Variants in WDPCP observed in about 807,000 individuals in gnomAD.
WDPCP encodes the protein WD repeat containing planar cell polarity effector.
Under a neutral mutation model 93.1 loss-of-function variants are expected in WDPCP, and 71 were observed. The ratio of observed to expected loss-of-function variants is 0.76; its 90% CI spans 0.63 to 0.93. WDPCP has a LOEUF of 0.93. Ranked by LOEUF, WDPCP falls within the 40% of genes least tolerant of loss-of-function variation. The pLI is 0.00. For synonymous variants in WDPCP, 315 were observed against 315.0 expected (o/e 1.00, Z 0.00); for missense variants, 844 against 887.4 (o/e 0.95, Z 0.62).
intron 6 of WDPCP, among the ~76,000 whole-genome samples, chr2:63,460,355 G>A (rs1274835139): frequency 6.6e-6 from 1 of 152,034 alleles, no homozygotes; most frequent in Non-Finnish European, 1.5e-5. Context: ...GAGAGAGTTC[G>A]GTTATGAGTC....
intron 14 of WDPCP, among the ~76,000 whole-genome samples, chr2:63,231,949 CCCAAAACAGCATGGTACTGGTA>C (rs1678931697): frequency 6.6e-6 from 1 of 151,920 alleles, no homozygotes; most frequent in African/African-American, 2.4e-5. Flanking sequence ...GGCTACAGTA[CCCAAAACAGCATGGTACTGGTA>C]CCAAAACAGA....
In WDPCP at chr2:63,731,449, C is replaced by T. The variant is rs145592482; in HGVS notation, n.309-80611G>A. ...AGTATATATTCACTATGTTGTGCAACTTATCACCTCTAACTACTCCCAAGA... is the reference window on the plus strand; with the variant it reads ...AGTATATATTCACTATGTTGTGCAATTTATCACCTCTAACTACTCCCAAGA... On this transcript the variant is annotated intron_variant and non_coding_transcript_variant, in intron 2 of 4. Coordinates refer to the WDPCP transcript ENST00000467687. Among the ~76,000 whole-genome samples the T allele has an allele frequency of 1.8e-3, 269 of 152,196 alleles. 7 individuals are homozygous for T. The East Asian group carries it at 0.038, about 22-fold the overall frequency.
chr2:63,259,525 A>G, intron 13 of WDPCP, 116 bp from the exon 14 acceptor site: 1 of 879,684 alleles, frequency 1.1e-6, no homozygotes, highest in Non-Finnish European at 1.8e-6. Context: ...GTTTGTAAAT[A>G]TTCTTTTCTG....
chr2:63,122,767 A>G (rs991573934), intron 17 of WDPCP, among the ~76,000 whole-genome samples: 1 of 152,190 alleles, frequency 6.6e-6, no homozygotes, highest in Admixed American at 6.5e-5. Context: ...TGGTAAAAGT[A>G]AAAGGTAAAG....
At chr2:63,440,125 T>A (rs1486720850) in intron 6 of WDPCP, 1 of 401,974 alleles carries the variant, frequency 2.5e-6, no homozygotes, top group East Asian at 4.3e-5. Flanking sequence ...GCCATGTTTA[T>A]TAGAAATCTA....
At chr2:63,358,186 CAT>C (rs1396539766) in intron 12 of WDPCP, among the ~76,000 whole-genome samples, 4 of 152,124 alleles carry the variant, frequency 2.6e-5, no homozygotes, top group East Asian at 3.9e-4. Context: ...CATCATGACA[CAT>C]GTTTATGTAT....
intron 2 of WDPCP, among the ~76,000 whole-genome samples, chr2:63,784,596 G>A (rs1470013119): frequency 6.6e-6 from 1 of 151,928 alleles, no homozygotes; most frequent in Non-Finnish European, 1.5e-5. Context: ...GTGTGTGTGT[G>A]TGTGTGAATA....
chr2:63,692,177 A>G (rs779627068), intron 2 of WDPCP, among the ~76,000 whole-genome samples: 8 of 152,166 alleles, frequency 5.3e-5, no homozygotes, highest in Non-Finnish European at 7.4e-5. Context: ...TAATATAAGT[A>G]TATAAAACAC....
chr2:63,686,711 A>AT (rs1408323893), intron 2 of WDPCP, among the ~76,000 whole-genome samples: 2 of 152,210 alleles, frequency 1.3e-5, no homozygotes, highest in African/African-American at 4.8e-5. Context: ...TGGTACTCGC[A>AT]TAAAAACAAA....
At chr2:63,292,132 C>CAAAAAAA (rs58370764) in intron 13 of WDPCP, among the ~76,000 whole-genome samples, 18 of 83,342 alleles carry the variant, frequency 2.2e-4, no homozygotes, top group Non-Finnish European at 2.8e-4. Flanking sequence ...GACTCCGGCT[C>CAAAAAAA]AAAAAAAAAA....
At chr2:63,715,205 A>G (rs1426266672) in intron 2 of WDPCP, among the ~76,000 whole-genome samples, 4 of 152,228 alleles carry the variant, frequency 2.6e-5, no homozygotes, top group Non-Finnish European at 5.9e-5. Flanking sequence ...AATTTGATAT[A>G]GATGGTAGTT....
chr2:63,626,272 G>A (rs1455162479), intron 3 of WDPCP, among the ~76,000 whole-genome samples: 1 of 152,164 alleles, frequency 6.6e-6, no homozygotes, highest in Non-Finnish European at 1.5e-5. Context: ...CAGGACATAG[G>A]CATGGGCAAA....
Position 63,751,912 on chromosome 2 carries a change from T to C in WDPCP, n.308+61710A>G. 5.8e-6 allele frequency: 4 copies of C among 684,956 alleles called. No homozygotes were observed. The Admixed American group carries it at 7.2e-5, about 12-fold the overall frequency. 42.4% of individuals were successfully genotyped at this position (684,956 alleles called of 1,614,324 possible). A position where few individuals can be genotyped will look rare whatever the true frequency, so the allele number is the denominator to read the frequency against. On this transcript the variant is annotated intron_variant and non_coding_transcript_variant, in intron 2 of 4. Coordinates refer to the WDPCP transcript ENST00000467687. ...ATTGCTTCCATCACCAAATCCATTA[T>C]AGCCATCCCCACTGCCACCATATCC...
At chr2:63,251,948 C>A (rs1265555885) in intron 14 of WDPCP, among the ~76,000 whole-genome samples, 4 of 151,816 alleles carry the variant, frequency 2.6e-5, no homozygotes, top group African/African-American at 9.7e-5. Context: ...AAGCCAGAAC[C>A]ACCCTGATAC....
intron 1 of WDPCP, among the ~76,000 whole-genome samples, chr2:63,533,421 A>C (rs1704013776): frequency 6.6e-6 from 1 of 152,222 alleles, no homozygotes; most frequent in Non-Finnish European, 1.5e-5. Flanking sequence ...TCTCAGCATC[A>C]CATCACACTT....
intron 2 of WDPCP, among the ~76,000 whole-genome samples, chr2:63,715,117 A>G (rs1161542639): frequency 1.3e-5 from 2 of 152,268 alleles, no homozygotes; most frequent in African/African-American, 2.4e-5. Flanking sequence ...TCATAGAGAT[A>G]GAAAGCAGAT....
chr2:63,223,742 AC>A (rs1176176242), intron 14 of WDPCP, among the ~76,000 whole-genome samples: 2 of 152,140 alleles, frequency 1.3e-5, no homozygotes, highest in Non-Finnish European at 2.9e-5. Flanking sequence ...TTAAAAACTT[AC>A]ATTTTAATCA....
At chr2:63,489,050 G>A (rs1575513820) in intron 2 of WDPCP, among the ~76,000 whole-genome samples, 4 of 152,188 alleles carry the variant, frequency 2.6e-5, no homozygotes, top group Admixed American at 2.6e-4. Flanking sequence ...ACAGCCTGGT[G>A]TAGGGTATTA....
chr2:63,575,298 T>C (rs1019666267), intron 1 of WDPCP, among the ~76,000 whole-genome samples: 2 of 146,686 alleles, frequency 1.4e-5, no homozygotes, highest in Admixed American at 7.0e-5. Flanking sequence ...ATATAGTATG[T>C]ATATATATAG....
Sources: allele counts gnomAD v4.1 joint callset (sites outside exome capture counted in the v4.1 genomes callset), GRCh38; gene constraint gnomAD v4.1.1; transcripts MANE v1.5; gene names NCBI Gene and HGNC (gene_info 2026-07-23, HGNC 2026-07-21).